MBTPS1: variants seen among roughly 807,000 people sequenced by gnomAD.
MBTPS1 encodes membrane-bound transcription factor site-1 protease.
In MBTPS1, 94 loss-of-function variants were observed where a neutral mutation model predicts 127.8. The ratio of observed to expected loss-of-function variants is 0.74; its 90% CI spans 0.62 to 0.87. The LOEUF is 0.87. MBTPS1 is among the 40% of genes least tolerant of loss of function. The pLI is 0.00. For synonymous variants in MBTPS1, 632 were observed against 509.4 expected (o/e 1.24, Z -3.24); for missense variants, 1,636 against 1,353.2 (o/e 1.21, Z -3.28).
chr16:84,060,771 T>C lies in MBTPS1; in HGVS notation c.2615A>G (p.Tyr872Cys). The change falls in exon 20 of 23, where the codon TAT (tyrosine) becomes TGT (cysteine). Residue 872 changes from tyrosine (Y) to cysteine (C), a missense_variant. By Grantham distance (194) the Tyr-to-Cys change is radical. Transcript: ENST00000343411. Reference sequence around the variant, plus strand: ...ACTGAGGCTAGGCGGTGTCACCCCATACGATGTGTACTGGAGGAGGGCATC... The same window carrying C: ...ACTGAGGCTAGGCGGTGTCACCCCACACGATGTGTACTGGAGGAGGGCATC... ...LLDALLQYTS[Y>C]GVTPPSLSHS... is the part of the protein sequence containing the mutation. 1 of 1,604,534 alleles carries C rather than the reference T, an allele frequency of 6.2e-7. No individual in the cohort carries two copies. Among genetic ancestry groups the C allele is most frequent in the Non-Finnish European group, 8.5e-7 (1 of 1,175,546 alleles).
At chr16:84,091,601 T>C in intron 7 of MBTPS1, 131 bp downstream of exon 7, 2 of 664,584 alleles carry the variant, frequency 3.0e-6, no homozygotes, top group African/African-American at 1.8e-5. Flanking sequence ...GCTCACGTCA[T>C]TAGCCATCTG....
intron 1 of MBTPS1, among the ~76,000 whole-genome samples, chr16:84,112,787 C>T (rs1286745263): frequency 6.6e-6 from 1 of 151,620 alleles, no homozygotes; most frequent in Non-Finnish European, 1.5e-5. Context: ...CCAGCCTGGC[C>T]AACATGGTGA....
chr16:84,105,983 T>TA (rs1415095755), intron 1 of MBTPS1, among the ~76,000 whole-genome samples: 1 of 152,102 alleles, frequency 6.6e-6, no homozygotes, highest in Non-Finnish European at 1.5e-5. Flanking sequence ...TAGCTGGTGA[T>TA]AAAAACTACA....
intron 13 of MBTPS1, 132 bp downstream of exon 13, chr16:84,070,456 A>T (rs946035196): frequency 1.1e-6 from 1 of 879,234 alleles, no homozygotes; most frequent in Non-Finnish European, 1.8e-6. Flanking sequence ...GGAACCATCA[A>T]TTGTGGCCAT....
At chr16:84,116,263 T>C (rs2086476037) in intron 1 of MBTPS1, among the ~76,000 whole-genome samples, 1 of 152,180 alleles carries the variant, frequency 6.6e-6, no homozygotes, top group African/African-American at 2.4e-5. Context: ...GAGGCAAGAT[T>C]TTTAAGAAGC....
intron 1 of MBTPS1, among the ~76,000 whole-genome samples, chr16:84,112,462 A>ATC (rs1290214245): frequency 1.3e-5 from 2 of 152,034 alleles, no homozygotes; most frequent in East Asian, 3.9e-4. Flanking sequence ...GATCGAGACC[A>ATC]TCCTGGCTAA....
chr16:84,063,570 T>A lies in MBTPS1; in HGVS notation c.2432-125A>T. The A allele has an allele frequency of 3.3e-6, 3 of 909,400 alleles. No individual in the cohort carries two copies. In the South Asian group the frequency reaches 5.5e-5, roughly 17 times the overall value. The allele number at this position is 909,400 out of a possible 1,614,324, so 56.3% of individuals were successfully genotyped here. On this transcript the variant is annotated intron_variant, in intron 18 of 22. Transcript: ENST00000343411. ...AAAATCTAATATTCAATTAAAACATTGCAAATTTTTAGAATAGAAAAGCCT... is the reference window on the plus strand; with the variant it reads ...AAAATCTAATATTCAATTAAAACATAGCAAATTTTTAGAATAGAAAAGCCT...
In MBTPS1 at chr16:84,093,232, G is replaced by C. The variant is rs377381353; in HGVS notation, c.802C>G (p.Pro268Ala). 5 of 1,613,978 alleles carry C rather than the reference G, an allele frequency of 3.1e-6. No individual in the cohort carries two copies. Among genetic ancestry groups the C allele is most frequent in the Non-Finnish European group, 4.2e-6 (5 of 1,179,980 alleles). Residue 268 changes from proline (P) to alanine (A), a missense_variant, in exon 6 of 23, where the codon CCA becomes GCA. By Grantham distance (27) the Pro-to-Ala change is conservative (BLOSUM62 -1). Transcript: ENST00000343411. ...CTGAAAATGTGAAGTTCTGCATCTG[G>C]AGCAAATCCTTGGCACTCCCTCATG... Reference protein sequence around the residue: ...ASMRECQGFAPDAELHIFRVF... With the variant: ...ASMRECQGFAADAELHIFRVF...
intron 1 of MBTPS1, among the ~76,000 whole-genome samples, chr16:84,104,062 G>T (rs1231251194): frequency 6.6e-6 from 1 of 152,140 alleles, no homozygotes; most frequent in Admixed American, 6.5e-5. Context: ...GATACATCCA[G>T]CAATGGAGTA....
In MBTPS1 at chr16:84,099,118, T is replaced by C; in HGVS notation, c.356A>G (p.Asp119Gly). The C allele has an allele frequency of 6.2e-7, 1 of 1,614,186 alleles. No individual in the cohort carries two copies. The highest frequency in any genetic ancestry group is 8.5e-7 in the Non-Finnish European group (1 of 1,180,018). The change falls in exon 3 of 23, where the codon GAT (aspartate) becomes GGT (glycine). Residue 119 changes from aspartate to glycine, a missense_variant. Transcript: ENST00000343411. ...KQKAGLLTLE[D>G]HPNIKRVTPQ... ...CGTGACCCGTTTGATGTTTGGATGA[T>C]CTTCAAGTGTTAGCAGCCCCGCTTT...
intron 9 of MBTPS1, 99 bp downstream of exon 9, chr16:84,087,259 T>G: frequency 1.2e-6 from 1 of 862,434 alleles, no homozygotes; most frequent in Non-Finnish European, 1.9e-6. Flanking sequence ...AGGGTGTCTG[T>G]GCACTTACAA....
chr16:84,093,223 C>G lies in MBTPS1; in HGVS notation c.811G>C (p.Glu271Gln). The G allele has an allele frequency of 1.2e-6, 2 of 1,614,016 alleles. No individual in the cohort carries two copies. Among genetic ancestry groups the G allele is most frequent in the Admixed American group, 3.3e-5 (2 of 60,026 alleles). The change falls in exon 6 of 23, where the codon GAA becomes CAA. Residue 271 changes from glutamate (E) to glutamine (Q), a missense_variant. Transcript: ENST00000343411. ...RECQGFAPDA[E>Q]LHIFRVFTNN... Reference sequence around the variant, plus strand: ...GTAAAGACCCTGAAAATGTGAAGTTCTGCATCTGGAGCAAATCCTTGGCAC... The same window carrying G: ...GTAAAGACCCTGAAAATGTGAAGTTGTGCATCTGGAGCAAATCCTTGGCAC...
chr16:84,109,250 A>T (rs1051422413), intron 1 of MBTPS1, among the ~76,000 whole-genome samples: 1 of 152,228 alleles, frequency 6.6e-6, no homozygotes, highest in Non-Finnish European at 1.5e-5. Flanking sequence ...GGAACATGGA[A>T]GCCAGTTTGG....
In MBTPS1 at chr16:84,068,334, C is replaced by G; in HGVS notation, c.2071+5G>C. On this transcript the variant is annotated splice_donor_5th_base_variant and intron_variant, in intron 15 of 22. Transcript: ENST00000343411. Reference sequence around the variant, plus strand: ...CCATCTGGCTAGCACAGCAGTGCCACTTACCATACTGACTGGCATCAAAAC... The same window carrying G: ...CCATCTGGCTAGCACAGCAGTGCCAGTTACCATACTGACTGGCATCAAAAC... 1 of 1,582,078 alleles carries G rather than the reference C, an allele frequency of 6.3e-7. No individual in the cohort carries two copies. The highest frequency in any genetic ancestry group is 8.7e-7 in the Non-Finnish European group (1 of 1,150,838).
chr16:84,059,497 G>C, intron 20 of MBTPS1, 69 bp from the exon 21 acceptor site: 1 of 1,474,466 alleles, frequency 6.8e-7, no homozygotes, highest in Non-Finnish European at 9.3e-7. Flanking sequence ...GGAAAAAGGA[G>C]GGCCTTATTA....
At chr16:84,102,896 T>G (rs895812311) in intron 1 of MBTPS1, among the ~76,000 whole-genome samples, 2 of 152,228 alleles carry the variant, frequency 1.3e-5, no homozygotes, top group African/African-American at 2.4e-5. Context: ...TTATTTTACC[T>G]GAAACCTCAC....
intron 1 of MBTPS1, among the ~76,000 whole-genome samples, chr16:84,103,527 C>T (rs374540404): frequency 6.6e-6 from 1 of 152,104 alleles, no homozygotes; most frequent in Non-Finnish European, 1.5e-5. Flanking sequence ...GTTGAGATTA[C>T]AGACAAGAGC....
At position 84,112,643 on chromosome 16, in the gene MBTPS1, C is replaced by A. The variant is rs2086413500; in HGVS notation, c.-325+4092G>T. On this transcript the variant is annotated intron_variant, in intron 1 of 22. Coordinates refer to ENST00000343411, the MANE Select transcript of MBTPS1 (RefSeq NM_003791.4). Reference sequence around the variant, plus strand: ...CGCCACTGCACTCCAGCCCGGGCAACAGAGCGAGACTCGGTCTCAAAAAAA... The same window carrying A: ...CGCCACTGCACTCCAGCCCGGGCAAAAGAGCGAGACTCGGTCTCAAAAAAA... Among the ~76,000 whole-genome samples, 6 of 133,512 alleles carry A rather than the reference C, an allele frequency of 4.5e-5. No homozygotes were observed. The South Asian group carries it at 9.2e-4, about 20-fold the overall frequency. The allele number at this position is 133,512 out of a possible 152,430, so 87.6% of individuals were successfully genotyped here. A position where few individuals can be genotyped will look rare whatever the true frequency, so the allele number is the denominator to read the frequency against.
chr16:84,071,126 T>C (rs1273872917), intron 12 of MBTPS1, among the ~76,000 whole-genome samples: 1 of 152,218 alleles, frequency 6.6e-6, no homozygotes, highest in Non-Finnish European at 1.5e-5. Context: ...GATTTAAGGT[T>C]ATTTCCCAAT....
Sources: gnomAD v4.1 joint callset for allele counts (sites outside exome capture counted in the v4.1 genomes callset) on GRCh38, gnomAD v4.1.1 for gene constraint, MANE v1.5 for transcripts, NCBI Gene and HGNC (gene_info 2026-07-23, HGNC 2026-07-21) for gene names.